Variants in FHIT observed in about 807,000 individuals in gnomAD.
FHIT encodes bis(5'-adenosyl)-triphosphatase.
Under a neutral mutation model 17.9 loss-of-function variants are expected in FHIT, and 19 were observed. The ratio of observed to expected loss-of-function variants is 1.06; its 90% CI spans 0.74 to 1.56. FHIT has a LOEUF of 1.56. FHIT is among the 40% of genes most tolerant of loss of function. The pLI is 0.00. For missense variants in FHIT, 248 were observed against 189.2 expected (o/e 1.31, Z -1.82); for synonymous variants, 81 against 69.7 (o/e 1.16, Z -0.81).
At chr3:60,430,939 C>T (rs1253205886) in intron 5 of FHIT, among the ~76,000 whole-genome samples, 7 of 151,832 alleles carry the variant, frequency 4.6e-5, no homozygotes, top group Admixed American at 2.0e-4. Flanking sequence ...GGGCCAGGTG[C>T]GGTGGCTCAC....
rs945519127 is a variant in FHIT, at chr3:60,534,280, A to G, written c.103+2580T>C. On this transcript the variant is annotated intron_variant, in intron 5 of 9. Transcript: ENST00000492590. ...GTCTCTACTAAAAATACAAAAAAAA[A>G]AAATTAGCCGGGCGCGGTGGCGGGC... 3.4e-5 allele frequency among the ~76,000 whole-genome samples: 5 copies of G among 148,438 alleles called. No homozygotes were observed. In the South Asian group the frequency reaches 1.1e-3, roughly 33 times the overall value.
At chr3:61,208,431 A>T (rs531758674) in intron 1 of FHIT, among the ~76,000 whole-genome samples, 1 of 152,028 alleles carries the variant, frequency 6.6e-6, no homozygotes, top group African/African-American at 2.4e-5. Context: ...GTCTCCCATT[A>T]TTATTGTGTG....
At chr3:61,198,678 T>C (rs2038924447) in intron 2 of FHIT, among the ~76,000 whole-genome samples, 1 of 152,120 alleles carries the variant, frequency 6.6e-6, no homozygotes, top group African/African-American at 2.4e-5. Context: ...CTACAAAACT[T>C]CAGCCTAATA....
intron 1 of FHIT, among the ~76,000 whole-genome samples, chr3:61,212,992 G>C (rs1056143886): frequency 1.1e-4 from 16 of 152,112 alleles, no homozygotes; most frequent in Non-Finnish European, 1.8e-4. Context: ...CCCTAAAAGA[G>C]CTCCTGAAGG....
chr3:60,904,766 C>T (rs556681794), intron 3 of FHIT, among the ~76,000 whole-genome samples: 11 of 151,554 alleles, frequency 7.3e-5, no homozygotes, highest in African/African-American at 2.7e-4. Flanking sequence ...ATGGTGAAAC[C>T]CCATCTCTAC....
intron 8 of FHIT, among the ~76,000 whole-genome samples, chr3:59,808,032 A>G (rs1379991145): frequency 1.3e-5 from 2 of 152,174 alleles, no homozygotes; most frequent in Non-Finnish European, 2.9e-5. Context: ...TAGTTTCAGA[A>G]CATTTTCATT....
chr3:60,410,284 T>C (rs1404694686), intron 5 of FHIT, among the ~76,000 whole-genome samples: 1 of 151,880 alleles, frequency 6.6e-6, no homozygotes, highest in Non-Finnish European at 1.5e-5. Context: ...TGGCAGGTAA[T>C]GTATGGATAA....
chr3:60,108,668 T>TC (rs1419871851), intron 5 of FHIT, among the ~76,000 whole-genome samples: 2 of 69,394 alleles, frequency 2.9e-5, no homozygotes, highest in Non-Finnish European at 4.2e-5. Flanking sequence ...TACTTCTCTT[T>TC]TTTTTTTTTT....
intron 2 of FHIT, among the ~76,000 whole-genome samples, chr3:61,088,214 T>G (rs1033596529): frequency 1.3e-5 from 2 of 152,102 alleles, no homozygotes; most frequent in African/African-American, 2.4e-5. Context: ...AGAAAAGAGT[T>G]TTGTTTTAGA....
intron 3 of FHIT, among the ~76,000 whole-genome samples, chr3:61,031,732 T>C (rs2033017862): frequency 6.6e-6 from 1 of 152,180 alleles, no homozygotes; most frequent in Non-Finnish European, 1.5e-5. Context: ...GTCTACAAAA[T>C]GCCATCATCA....
intron 5 of FHIT, among the ~76,000 whole-genome samples, chr3:60,447,873 G>T (rs2031452699): frequency 6.6e-6 from 1 of 152,158 alleles, no homozygotes; most frequent in African/African-American, 2.4e-5. Flanking sequence ...TGGGGGAAAT[G>T]ACCAAATTAT....
At chr3:60,812,608 T>A (rs939934973) in intron 4 of FHIT, among the ~76,000 whole-genome samples, 3 of 152,180 alleles carry the variant, frequency 2.0e-5, no homozygotes, top group African/African-American at 7.2e-5. Flanking sequence ...ATGACTCCAC[T>A]GGTGACTTCA....
intron 5 of FHIT, among the ~76,000 whole-genome samples, chr3:60,223,780 T>C (rs1488308626): frequency 6.6e-6 from 1 of 152,196 alleles, no homozygotes; most frequent in Non-Finnish European, 1.5e-5. Flanking sequence ...TTTCACCACC[T>C]ACAATAGGAC....
intron 8 of FHIT, among the ~76,000 whole-genome samples, chr3:59,890,194 T>G (rs1049458948): frequency 6.6e-6 from 1 of 152,160 alleles, no homozygotes; most frequent in Non-Finnish European, 1.5e-5. Flanking sequence ...GGATAAAGCC[T>G]GCAGGGCTCT....
chr3:61,206,804 C>T (rs929310126), intron 1 of FHIT, among the ~76,000 whole-genome samples: 31 of 152,108 alleles, frequency 2.0e-4, no homozygotes, highest in African/African-American at 7.0e-4. Context: ...ATTCAATACC[C>T]TTTATTTTCT....
intron 8 of FHIT, among the ~76,000 whole-genome samples, chr3:59,794,416 T>C (rs1699695289): frequency 6.6e-6 from 1 of 152,222 alleles, no homozygotes; most frequent in African/African-American, 2.4e-5. Flanking sequence ...ACAGAGGAGA[T>C]ACCAGTGGGT....
At chr3:60,811,788 ATATGGAAGCTTCAGGG>A (rs1701578278) in intron 4 of FHIT, among the ~76,000 whole-genome samples, 1 of 152,194 alleles carries the variant, frequency 6.6e-6, no homozygotes, top group African/African-American at 2.4e-5. Context: ...CGAGGAAAAA[ATATGGAAGCTTCAGGG>A]TCCTTATTTC....
chr3:60,503,122 T>C (rs1195430369), intron 5 of FHIT, among the ~76,000 whole-genome samples: 1 of 152,200 alleles, frequency 6.6e-6, no homozygotes, highest in East Asian at 1.9e-4. Flanking sequence ...TGTGTGACTT[T>C]GGTCAAACTG....
intron 2 of FHIT, among the ~76,000 whole-genome samples, chr3:61,160,476 T>C (rs756746415): frequency 4.6e-5 from 7 of 152,226 alleles, no homozygotes; most frequent in Admixed American, 6.5e-5. Context: ...TCACTGTTAC[T>C]TGACAGTTCC....
Sources: allele counts gnomAD v4.1 joint callset (sites outside exome capture counted in the v4.1 genomes callset), GRCh38; gene constraint gnomAD v4.1.1; transcripts MANE v1.5; gene names NCBI Gene and HGNC (gene_info 2026-07-23, HGNC 2026-07-21).